The following RNF180 variants were observed in gnomAD, a reference collection of about 807,000 sequenced individuals.
RNF180 encodes ring finger protein 180.
RNF180 carries 38 observed loss-of-function variants against 59.2 expected under a neutral mutation model. The ratio of observed to expected loss-of-function variants is 0.64; its 90% CI spans 0.50 to 0.84. The LOEUF (loss-of-function observed/expected upper bound fraction) is 0.84. Among genes scored for constraint, RNF180 ranks in the 40% least tolerant of loss-of-function variants. The probability of loss-of-function intolerance (pLI) is 0.00; values close to 1 mark genes in which losing one functional copy is unlikely to be tolerated. For synonymous variants in RNF180, 262 were observed against 240.3 expected (o/e 1.09, Z -0.84); for missense variants, 705 against 700.9 (o/e 1.01, Z -0.07).
At chr5:64,179,050 C>A (rs994350003) in intron 1 of RNF180, among the ~76,000 whole-genome samples, 1 of 152,076 alleles carries the variant, frequency 6.6e-6, no homozygotes, top group Non-Finnish European at 1.5e-5. Flanking sequence ...TTCCCCACTC[C>A]CCAATATATA....
intron 5 of RNF180, among the ~76,000 whole-genome samples, chr5:64,254,442 A>G (rs779957613): frequency 6.6e-6 from 1 of 152,180 alleles, no homozygotes; most frequent in Admixed American, 6.6e-5. Context: ...ACAAAAAAGT[A>G]TTTTATGCCT....
At chr5:64,204,826 C>A (rs1290787966) in intron 2 of RNF180, among the ~76,000 whole-genome samples, 1 of 152,076 alleles carries the variant, frequency 6.6e-6, no homozygotes, top group South Asian at 2.1e-4. Context: ...CTCATTTACC[C>A]TCATACTGAG....
chr5:64,211,678 A>C (rs1292314860), intron 2 of RNF180, among the ~76,000 whole-genome samples: 1 of 152,198 alleles, frequency 6.6e-6, no homozygotes, highest in East Asian at 1.9e-4. Flanking sequence ...GAGCAACTTT[A>C]TTCTGTCATT....
chr5:64,334,539 C>T (rs1745041711), intron 7 of RNF180, among the ~76,000 whole-genome samples: 1 of 149,988 alleles, frequency 6.7e-6, no homozygotes, highest in African/African-American at 2.4e-5. Flanking sequence ...ATTGAAGCAC[C>T]TTCTGTAGTT....
chr5:64,372,178 ACATT>A lies in RNF180; in HGVS notation c.*2366_*2369del, dbSNP rs1336562543. The stretch of plus-strand genomic sequence containing the variant: ...AAAGGTTAATTTTAAACATGTTCAC[ACATT>A]CTTTTTTAAAAAAATGCCCTAATTG... On this transcript the variant is annotated 3_prime_UTR_variant, in exon 8 of 8. Coordinates refer to ENST00000389100, the MANE Select transcript of RNF180 (RefSeq NM_001113561.2). The A allele has an allele frequency of 6.6e-6, 1 of 151,728 alleles. No individual in the cohort carries two copies. Among genetic ancestry groups the A allele is most frequent in the African/African-American group, 2.4e-5 (1 of 41,328 alleles). 9.4% of individuals were successfully genotyped at this position (151,728 alleles called of 1,614,324 possible).
chr5:64,228,351 C>CA (rs1741899004), intron 5 of RNF180, among the ~76,000 whole-genome samples: 2 of 151,910 alleles, frequency 1.3e-5, no homozygotes, highest in South Asian at 2.1e-4. Flanking sequence ...CCCATCTCTA[C>CA]AAAAAATGTA....
intron 5 of RNF180, among the ~76,000 whole-genome samples, chr5:64,229,479 A>G (rs759201555): frequency 2.0e-5 from 3 of 152,168 alleles, no homozygotes; most frequent in African/African-American, 7.2e-5. Context: ...ATAACCAAAA[A>G]CGTAAGAGAT....
chr5:64,334,906 T>C (rs1399087890), intron 7 of RNF180, among the ~76,000 whole-genome samples: 1 of 152,212 alleles, frequency 6.6e-6, no homozygotes. Flanking sequence ...CTAGAATAAA[T>C]GCCAGGTAGA....
chr5:64,235,260 G>A (rs1742365680), intron 5 of RNF180, among the ~76,000 whole-genome samples: 1 of 152,168 alleles, frequency 6.6e-6, no homozygotes, highest in African/African-American at 2.4e-5. Flanking sequence ...TCCAGCCTGA[G>A]CAACTGGGCA....
At chr5:64,203,977 G>GTACT (rs1751880135) in intron 2 of RNF180, among the ~76,000 whole-genome samples, 2 of 151,996 alleles carry the variant, frequency 1.3e-5, no homozygotes, top group South Asian at 4.1e-4. Flanking sequence ...TGTGCTGAAA[G>GTACT]GTTGCTAAAT....
At chr5:64,250,813 T>C (rs1743519318) in intron 5 of RNF180, among the ~76,000 whole-genome samples, 1 of 152,114 alleles carries the variant, frequency 6.6e-6, no homozygotes, top group African/African-American at 2.4e-5. Flanking sequence ...CTCAAACTGA[T>C]TCAAGAAATT....
Position 64,243,389 on chromosome 5 carries a change from C to T in RNF180, c.1227+25993C>T, listed in dbSNP as rs183719613. Among the ~76,000 whole-genome samples the T allele has an allele frequency of 4.3e-3, 651 of 152,302 alleles. 3 individuals are homozygous for T. The highest frequency in any genetic ancestry group is 6.2e-3 in the Non-Finnish European group (419 of 68,032). On this transcript the variant is annotated intron_variant, in intron 5 of 7. Transcript: ENST00000389100. ...CTGAAGTTGACCTGGGACTCTCAAGCTTGGTCAGGGGAGGGGTGTCTGCCA... is the reference window on the plus strand; with the variant it reads ...CTGAAGTTGACCTGGGACTCTCAAGTTTGGTCAGGGGAGGGGTGTCTGCCA...
At chr5:64,246,152 A>T (rs527852413) in intron 5 of RNF180, among the ~76,000 whole-genome samples, 1 of 152,210 alleles carries the variant, frequency 6.6e-6, no homozygotes, top group African/African-American at 2.4e-5. Flanking sequence ...CTAAATGTCC[A>T]CAGGAGAAAG....
chr5:64,171,704 G>A (rs924662241), intron 1 of RNF180, among the ~76,000 whole-genome samples: 28 of 152,172 alleles, frequency 1.8e-4, no homozygotes, highest in Admixed American at 1.5e-3. Context: ...AATGTAAGAA[G>A]CATAACAAAT....
intron 5 of RNF180, among the ~76,000 whole-genome samples, chr5:64,275,984 T>C (rs1741691831): frequency 6.6e-6 from 1 of 151,998 alleles, no homozygotes; most frequent in South Asian, 2.1e-4. Flanking sequence ...TGTTCTATCC[T>C]GTCATTCTCC....
intron 6 of RNF180, 141 bp from the exon 7 acceptor site, chr5:64,330,140 G>C (rs2112536012): frequency 1.5e-6 from 1 of 645,716 alleles, no homozygotes; most frequent in Admixed American, 3.3e-5. Flanking sequence ...AAAAAATGTT[G>C]AATCTATTTT....
intron 5 of RNF180, among the ~76,000 whole-genome samples, chr5:64,234,371 C>T (rs1742277772): frequency 1.3e-5 from 2 of 151,726 alleles, no homozygotes; most frequent in Non-Finnish European, 2.9e-5. Flanking sequence ...GACGTTGAGG[C>T]AGGAGAATCG....
intron 5 of RNF180, among the ~76,000 whole-genome samples, chr5:64,288,802 G>C (rs568128014): frequency 6.6e-6 from 1 of 152,116 alleles, no homozygotes; most frequent in South Asian, 2.1e-4. Flanking sequence ...TGAGATGATG[G>C]GGTTTTCTAG....
intron 7 of RNF180, among the ~76,000 whole-genome samples, chr5:64,362,796 A>G (rs1283056063): frequency 6.6e-6 from 1 of 151,744 alleles, no homozygotes; most frequent in Non-Finnish European, 1.5e-5. Flanking sequence ...CTGGTGTGAG[A>G]TGGTATCTCA....
Sources: allele counts gnomAD v4.1 joint callset (sites outside exome capture counted in the v4.1 genomes callset), GRCh38; gene constraint gnomAD v4.1.1; transcripts MANE v1.5; gene names NCBI Gene and HGNC (gene_info 2026-07-23, HGNC 2026-07-21).